SMIM35: variants seen among roughly 807,000 people sequenced by gnomAD.
SMIM35 encodes small integral membrane protein 35, also known as TMPRSS4 antisense RNA 1 (non-protein coding).
intron 1 of SMIM35, among the ~76,000 whole-genome samples, chr11:118,053,307 A>AACACACACACACACACAC (rs57912361): frequency 7.0e-6 from 1 of 142,000 alleles, no homozygotes; most frequent in African/African-American, 2.7e-5. Flanking sequence ...GACTCTCTAA[A>AACACACACACACACACAC]ACACACACAC....
intron 1 of SMIM35, among the ~76,000 whole-genome samples, chr11:118,038,874 C>T (rs1039208076): frequency 6.6e-6 from 1 of 151,808 alleles, no homozygotes; most frequent in Non-Finnish European, 1.5e-5. Context: ...GAGCATGATA[C>T]TTAGACAATA....
chr11:118,078,013 C>CAAA (rs148383275), intron 1 of SMIM35, among the ~76,000 whole-genome samples: 170 of 71,026 alleles, frequency 2.4e-3, no homozygotes, highest in African/African-American at 4.9e-3. Context: ...AACTCCGTCT[C>CAAA]AAAAAAAAAA....
At chr11:118,083,065 C>T (rs150964399) in intron 1 of SMIM35, among the ~76,000 whole-genome samples, 167 of 152,288 alleles carry the variant, frequency 1.1e-3, no homozygotes, top group African/African-American at 3.8e-3. Flanking sequence ...TCTGCTGCGC[C>T]GCTGCGGGGC....
At position 118,032,735 on chromosome 11, in the gene SMIM35, C is replaced by T. The variant is rs913749412; in HGVS notation, c.8-16926G>A. 1.4e-4 allele frequency among the ~76,000 whole-genome samples: 21 copies of T among 152,148 alleles called. No individual in the cohort carries two copies. The South Asian group carries it at 1.5e-3, about 11-fold the overall frequency. On this transcript the variant is annotated intron_variant, in intron 1 of 4. Coordinates refer to ENST00000689828, the MANE Select transcript of SMIM35 (RefSeq NM_001394165.1). ...CAGCCTGGTCAACATGGTGAAACCC[C>T]GTCTCTACCAAAAAATACAAAAATT...
intron 1 of SMIM35, among the ~76,000 whole-genome samples, chr11:118,022,607 G>A (rs539414496): frequency 2.7e-4 from 41 of 152,272 alleles, no homozygotes; most frequent in African/African-American, 9.4e-4. Context: ...TGAGGAGACA[G>A]TCCAAGGCAG....
At chr11:118,064,184 G>A (rs1338298121) in intron 1 of SMIM35, among the ~76,000 whole-genome samples, 1 of 152,208 alleles carries the variant, frequency 6.6e-6, no homozygotes, top group East Asian at 1.9e-4. Context: ...CAGGCATTTG[G>A]TCACAGAAGT....
chr11:118,018,813 A>T (rs1195829620), intron 1 of SMIM35, among the ~76,000 whole-genome samples: 2 of 152,038 alleles, frequency 1.3e-5, no homozygotes, highest in African/African-American at 2.4e-5. Context: ...TTACCTTTTG[A>T]TCTTTCTGGG....
At chr11:118,077,460 C>T (rs528730678) in intron 1 of SMIM35, among the ~76,000 whole-genome samples, 12 of 152,314 alleles carry the variant, frequency 7.9e-5, no homozygotes, top group South Asian at 2.1e-4. Context: ...CACCCCAGCC[C>T]GGTACACGTC....
chr11:118,035,459 G>A (rs890781152), intron 1 of SMIM35, among the ~76,000 whole-genome samples: 2 of 152,216 alleles, frequency 1.3e-5, no homozygotes, highest in African/African-American at 4.8e-5. Flanking sequence ...CATGTTCTAT[G>A]AGGAGGTATG....
At chr11:118,066,618 C>T (rs1944478331) in intron 1 of SMIM35, among the ~76,000 whole-genome samples, 1 of 152,126 alleles carries the variant, frequency 6.6e-6, no homozygotes, top group Non-Finnish European at 1.5e-5. Flanking sequence ...TATCTGAAGG[C>T]ATAATACACC....
chr11:118,057,631 G>C (rs904561679), intron 1 of SMIM35, among the ~76,000 whole-genome samples: 2 of 152,226 alleles, frequency 1.3e-5, no homozygotes, highest in African/African-American at 4.8e-5. Flanking sequence ...AGTGTTGCTG[G>C]CCAGGTGTGG....
intron 1 of SMIM35, among the ~76,000 whole-genome samples, chr11:118,046,115 A>G (rs527993238): frequency 2.7e-4 from 41 of 152,286 alleles, no homozygotes; most frequent in African/African-American, 9.1e-4. Context: ...CTCTTCAATA[A>G]TTTATCAGTA....
intron 1 of SMIM35, among the ~76,000 whole-genome samples, chr11:118,051,081 G>C (rs1478815404): frequency 1.3e-5 from 2 of 152,232 alleles, no homozygotes; most frequent in African/African-American, 2.4e-5. Context: ...GCAGGCTCAT[G>C]TTTGCCTGTA....
intron 4 of SMIM35, among the ~76,000 whole-genome samples, chr11:118,010,450 T>G (rs1307052518): frequency 2.6e-5 from 4 of 152,210 alleles, no homozygotes; most frequent in African/African-American, 9.7e-5. Flanking sequence ...CTACATTGGG[T>G]GTCTCTTCTC....
At chr11:118,070,032 C>T (rs1190659468) in intron 1 of SMIM35, among the ~76,000 whole-genome samples, 2 of 152,216 alleles carry the variant, frequency 1.3e-5, no homozygotes, top group East Asian at 3.9e-4. Flanking sequence ...TTCACCAAGG[C>T]AATACAGCTG....
chr11:118,074,780 G>T (rs975253311), intron 1 of SMIM35, among the ~76,000 whole-genome samples: 8 of 149,798 alleles, frequency 5.3e-5, no homozygotes, highest in Non-Finnish European at 1.2e-4. Flanking sequence ...GTGGGTTCTG[G>T]TCCAGCTGGT....
intron 1 of SMIM35, among the ~76,000 whole-genome samples, chr11:118,025,090 GAGA>G (rs969111034): frequency 3.9e-5 from 6 of 152,144 alleles, no homozygotes; most frequent in African/African-American, 9.7e-5. Flanking sequence ...TGCTGCAAAG[GAGA>G]AGATTTTGTT....
chr11:118,027,016 C>CATT (rs2058279561), intron 1 of SMIM35, among the ~76,000 whole-genome samples: 1 of 93,254 alleles, frequency 1.1e-5, no homozygotes, highest in Non-Finnish European at 2.0e-5. Context: ...ACCACCACCA[C>CATT]TTTTTTTTTT....
intron 1 of SMIM35, among the ~76,000 whole-genome samples, chr11:118,083,929 T>C (rs537446517): frequency 6.6e-6 from 1 of 152,172 alleles, no homozygotes; most frequent in South Asian, 2.1e-4. Context: ...TCCCAGCTAC[T>C]CTGGAGGCTG....
Sources: gnomAD v4.1 joint callset for allele counts (sites outside exome capture counted in the v4.1 genomes callset) on GRCh38, gnomAD v4.1.1 for gene constraint, MANE v1.5 for transcripts, NCBI Gene and HGNC (gene_info 2026-07-23, HGNC 2026-07-21) for gene names.